UBFD1: variants seen among roughly 807,000 people sequenced by gnomAD.
UBFD1 encodes the protein ubiquitin family domain containing 1.
In UBFD1, 12 loss-of-function variants were observed where a neutral mutation model predicts 35.1. The observed-to-expected ratio is 0.34, with a 90% CI of 0.22 to 0.55. The LOEUF is 0.55. UBFD1 is among the 20% of genes least tolerant of loss of function. The pLI, the probability that UBFD1 is intolerant of heterozygous loss-of-function variation, is 0.89. For synonymous variants in UBFD1, 178 were observed against 167.6 expected (o/e 1.06, Z -0.48); for missense variants, 337 against 410.8 (o/e 0.82, Z 1.55).
In UBFD1 at chr16:23,566,353, T is replaced by C. The variant is rs192708951; in HGVS notation, c.737-634T>C. 8.6e-4 allele frequency: 131 copies of C among 152,200 alleles called. 1 individual carries two copies. Among genetic ancestry groups the C allele is most frequent in the South Asian group, 4.4e-3 (21 of 4,816 alleles). The allele number at this position is 152,200 out of a possible 1,614,324, so 9.4% of individuals were successfully genotyped here. On this transcript the variant is annotated intron_variant, in intron 5 of 6. Coordinates refer to ENST00000395878, the MANE Select transcript of UBFD1 (RefSeq NM_019116.3). ...GGTTACAAAGGAATTTCTTGGGTAT[T>C]TATTTATTTTATATTTTTTTTTGTT...
intron 2 of UBFD1, chr16:23,559,250 A>C (rs1206322764): frequency 2.1e-6 from 1 of 467,456 alleles, no homozygotes; most frequent in East Asian, 4.0e-5. Context: ...TTGGTCTCTT[A>C]ATCCTTGAAA....
chr16:23,560,842 A>G (rs924965769), intron 3 of UBFD1, among the ~76,000 whole-genome samples: 2 of 152,198 alleles, frequency 1.3e-5, no homozygotes, highest in Non-Finnish European at 2.9e-5. Flanking sequence ...TCACCCCCAC[A>G]TATGGGGTCT....
intron 1 of UBFD1, 77 bp downstream of exon 1, chr16:23,557,844 C>A (rs1965838404): frequency 7.0e-6 from 9 of 1,277,076 alleles, no homozygotes; most frequent in Non-Finnish European, 8.9e-6. Context: ...CGGCCCGGCC[C>A]GGGAGGGAGA....
intron 3 of UBFD1, among the ~76,000 whole-genome samples, chr16:23,560,680 T>C (rs539285845): frequency 6.6e-6 from 1 of 152,328 alleles, no homozygotes; most frequent in African/African-American, 2.4e-5. Context: ...GACAAGGTAC[T>C]GCCCCAGACC....
At chr16:23,561,386 C>T (rs1965931231) in intron 3 of UBFD1, among the ~76,000 whole-genome samples, 1 of 152,186 alleles carries the variant, frequency 6.6e-6, no homozygotes, top group South Asian at 2.1e-4. Context: ...CAAGCAGTGG[C>T]TATGCCTATA....
In UBFD1 at chr16:23,570,880, TTAAG is replaced by T. The variant is rs1260576270; in HGVS notation, c.*292_*295del. 2 of 212,290 alleles carry T rather than the reference TTAAG, an allele frequency of 9.4e-6. No individual in the cohort carries two copies. Among genetic ancestry groups the T allele is most frequent in the Admixed American group, 1.1e-4 (2 of 17,628 alleles). The allele number at this position is 212,290 out of a possible 1,614,324, so 13.2% of individuals were successfully genotyped here. On this transcript the variant is annotated 3_prime_UTR_variant, in exon 7 of 7. Transcript: ENST00000395878. The stretch of plus-strand genomic sequence containing the variant: ...TCCGAACATGTTGTGTGGAATACTC[TTAAG>T]TGTGTTTGAGAGTAGATCTGCCAAT...
At chr16:23,559,395 A>AAG in intron 2 of UBFD1, 73 bp from the exon 3 acceptor site, 1 of 1,370,728 alleles carries the variant, frequency 7.3e-7, no homozygotes. Context: ...TCTGTTACCA[A>AAG]AGAGCTGTGT....
intron 3 of UBFD1, among the ~76,000 whole-genome samples, chr16:23,560,667 G>A (rs924934578): frequency 6.6e-6 from 1 of 152,064 alleles, no homozygotes; most frequent in Non-Finnish European, 1.5e-5. Flanking sequence ...TTTCCTCTTT[G>A]GTGACAAGGT....
At chr16:23,567,756 G>A (rs767066388) in intron 6 of UBFD1, among the ~76,000 whole-genome samples, 6 of 152,272 alleles carry the variant, frequency 3.9e-5, no homozygotes, top group Non-Finnish European at 7.3e-5. Context: ...TGATTCTGCA[G>A]TTGCCCATCA....
intron 3 of UBFD1, 160 bp from the exon 4 acceptor site, chr16:23,562,045 TG>T: frequency 1.6e-6 from 1 of 615,676 alleles, no homozygotes; most frequent in Non-Finnish European, 2.8e-6. Context: ...AAAGTTCTGC[TG>T]GACAGCACTG....
chr16:23,567,155 G>A (rs895024717), intron 6 of UBFD1, 86 bp downstream of exon 6: 21 of 1,297,142 alleles, frequency 1.6e-5, no homozygotes, highest in Admixed American at 1.0e-4. Flanking sequence ...CTTGTTTAAC[G>A]GAAGAAAACT....
At chr16:23,560,299 G>GT (rs1965911608) in intron 3 of UBFD1, among the ~76,000 whole-genome samples, 1 of 152,122 alleles carries the variant, frequency 6.6e-6, no homozygotes, top group South Asian at 2.1e-4. Context: ...ATTCTTTCAC[G>GT]TAACGAGGAA....
At chr16:23,563,438 C>T (rs1174683378) in intron 5 of UBFD1, among the ~76,000 whole-genome samples, 1 of 152,052 alleles carries the variant, frequency 6.6e-6, no homozygotes, top group Non-Finnish European at 1.5e-5. Flanking sequence ...CCTCTCCCTT[C>T]CCCCAGATGG....
chr16:23,560,987 A>G (rs1169948175), intron 3 of UBFD1, among the ~76,000 whole-genome samples: 1 of 152,184 alleles, frequency 6.6e-6, no homozygotes, highest in Non-Finnish European at 1.5e-5. Flanking sequence ...CATGCCTCCT[A>G]AATACAGGTT....
chr16:23,560,167 G>C (rs1449505698), intron 3 of UBFD1, among the ~76,000 whole-genome samples: 1 of 152,166 alleles, frequency 6.6e-6, no homozygotes, highest in African/African-American at 2.4e-5. Flanking sequence ...CAACTACACT[G>C]ATGGATTTGT....
intron 6 of UBFD1, 75 bp downstream of exon 6, chr16:23,567,144 G>T: frequency 7.1e-7 from 1 of 1,417,454 alleles, no homozygotes; most frequent in Non-Finnish European, 9.8e-7. Context: ...TTTTAACTGA[G>T]CTTGTTTAAC....
At chr16:23,563,086 T>A (rs1424037752) in intron 5 of UBFD1, among the ~76,000 whole-genome samples, 1 of 152,176 alleles carries the variant, frequency 6.6e-6, no homozygotes, top group East Asian at 1.9e-4. Context: ...TGATTTTTTT[T>A]TTTTTTTTGG....
At chr16:23,570,439 G>A (rs1166960548) in intron 6 of UBFD1, 41 bp from the exon 7 acceptor site, 16 of 1,504,066 alleles carry the variant, frequency 1.1e-5, no homozygotes, top group South Asian at 5.7e-5. Context: ...TTGGTCTCCC[G>A]ACCTCTGAAG....
chr16:23,562,756 G>T lies in UBFD1; in HGVS notation c.736+26G>T, dbSNP rs2234430. ...GTATGTTCTTCCTCGCCTCCTTGCT[G>T]GCCCACTGCCTGCCTCTGGCACCCA... On this transcript the variant is annotated intron_variant, in intron 5 of 6. Transcript: ENST00000395878. 9.7e-5 allele frequency: 155 copies of T among 1,601,136 alleles called. No individual in the cohort carries two copies. In the East Asian group the frequency reaches 3.4e-3, roughly 35 times the overall value.
Sources: gnomAD v4.1 joint callset for allele counts (sites outside exome capture counted in the v4.1 genomes callset) on GRCh38, gnomAD v4.1.1 for gene constraint, MANE v1.5 for transcripts, NCBI Gene and HGNC (gene_info 2026-07-23, HGNC 2026-07-21) for gene names.